The following AGPAT4 variants were observed in gnomAD, a reference collection of about 807,000 sequenced individuals.
The protein encoded by AGPAT4 is 1-acylglycerol-3-phosphate O-acyltransferase 4, also known as 1-acyl-sn-glycerol-3-phosphate acyltransferase delta.
A neutral mutation model predicts 48.0 loss-of-function variants in AGPAT4; 15 were observed. The observed-to-expected ratio is 0.31, with a 90% CI of 0.21 to 0.48. The LOEUF (loss-of-function observed/expected upper bound fraction) is 0.48, where lower values mean the gene tolerates loss of function less well. AGPAT4 is among the 20% of genes least tolerant of loss of function. The probability of loss-of-function intolerance (pLI) is 0.99; values close to 1 mark genes in which losing one functional copy is unlikely to be tolerated. For missense variants in AGPAT4, 314 were observed against 482.5 expected (o/e 0.65, Z 3.27); for synonymous variants, 178 against 198.7 (o/e 0.90, Z 0.88).
At chr6:161,199,452 C>A (rs2115008539) in intron 2 of AGPAT4, among the ~76,000 whole-genome samples, 1 of 152,304 alleles carries the variant, frequency 6.6e-6, no homozygotes, top group South Asian at 2.1e-4. Flanking sequence ...GTCATACACA[C>A]ACACACATTG....
In AGPAT4 at chr6:161,144,315, G is replaced by A; in HGVS notation, c.843+2209C>T. 4.6e-6 allele frequency: 2 copies of A among 435,114 alleles called. No individual in the cohort carries two copies. The highest frequency in any genetic ancestry group is 1.7e-5 in the South Asian group (1 of 59,786). The allele number at this position is 435,114 out of a possible 1,614,324, so 27.0% of individuals were successfully genotyped here. A position where few individuals can be genotyped will look rare whatever the true frequency, so the allele number is the denominator to read the frequency against. ...GGACTCCAGCACCTGGCTTTGATCA[G>A]TGAGCTGGAAAACTGGGTAAATCAC... On this transcript the variant is annotated intron_variant, in intron 7 of 8. Transcript: ENST00000320285. This position sits in a 1 kb window ranked among gnomAD's most constrained non-coding sequence, Gnocchi z 6.6.
chr6:161,263,302 C>T (rs1415259395), intron 1 of AGPAT4, among the ~76,000 whole-genome samples: 2 of 152,130 alleles, frequency 1.3e-5, no homozygotes, highest in African/African-American at 4.8e-5. Flanking sequence ...CCAGCCTGGC[C>T]AACATGGTGA....
intron 2 of AGPAT4, among the ~76,000 whole-genome samples, chr6:161,176,522 G>A (rs890380476): frequency 2.6e-5 from 4 of 152,038 alleles, no homozygotes; most frequent in African/African-American, 9.7e-5. Context: ...TTTATTTTGA[G>A]CCTATGTGTG....
rs983519224 is a variant in AGPAT4 at position 161,221,105 on chromosome 6, T to C, written c.178+10931A>G. Among the ~76,000 whole-genome samples the C allele has an allele frequency of 1.4e-4, 22 of 152,096 alleles. No homozygotes were observed. Among genetic ancestry groups the C allele is most frequent in the African/African-American group, 5.1e-4 (21 of 41,414 alleles). On this transcript the variant is annotated intron_variant, in intron 2 of 8. Coordinates refer to ENST00000320285, the MANE Select transcript of AGPAT4 (RefSeq NM_020133.3). This position sits in a 1 kb window ranked among gnomAD's most constrained non-coding sequence, Gnocchi z 4.5. ...GCCCCAGACAGCATATTTAAACAGATGACACAAACGCTGGATGAACATGGT... is the reference window on the plus strand; with the variant it reads ...GCCCCAGACAGCATATTTAAACAGACGACACAAACGCTGGATGAACATGGT...
Position 161,139,751 on chromosome 6 carries a change from A to G in AGPAT4, c.844-131T>C. The G allele has an allele frequency of 1.4e-6, 1 of 727,788 alleles. No individual in the cohort carries two copies. Among genetic ancestry groups the G allele is most frequent in the Non-Finnish European group, 2.2e-6 (1 of 449,868 alleles). 45.1% of individuals were successfully genotyped at this position (727,788 alleles called of 1,614,324 possible). A position where few individuals can be genotyped will look rare whatever the true frequency, so the allele number is the denominator to read the frequency against. On this transcript the variant is annotated intron_variant, in intron 7 of 8. Transcript: ENST00000320285. The surrounding 1 kb of genome is among the most constrained non-coding windows in gnomAD (Gnocchi z 9.1). ...GGGGCTCGGCAGAACTGGGGTCTGC[A>G]GCTCCTTCCAGAAAGCACTTTGTAG...
Position 161,259,872 on chromosome 6 carries a change from G to A in AGPAT4, c.-90+14066C>T, listed in dbSNP as rs999295972. Reference sequence around the variant, plus strand: ...GCTCCATGGTATCTATGTGCACGCTGCACCCCCAGGGCCGAGTCGTAAGTT... The same window carrying A: ...GCTCCATGGTATCTATGTGCACGCTACACCCCCAGGGCCGAGTCGTAAGTT... On this transcript the variant is annotated intron_variant, in intron 1 of 8. Coordinates refer to ENST00000320285, the MANE Select transcript of AGPAT4 (RefSeq NM_020133.3). This position sits in a 1 kb window ranked among gnomAD's most constrained non-coding sequence, Gnocchi z 4.9. Among the ~76,000 whole-genome samples, 1 of 152,146 alleles carries A rather than the reference G, an allele frequency of 6.6e-6. No individual in the cohort carries two copies. Among genetic ancestry groups the A allele is most frequent in the Non-Finnish European group, 1.5e-5 (1 of 68,024 alleles).
In AGPAT4 at chr6:161,272,705, A is replaced by AAC. The variant is rs3043142; in HGVS notation, c.-90+1231_-90+1232dup. Among the ~76,000 whole-genome samples, 35,672 of 147,088 alleles carry AAC rather than the reference A, an allele frequency of 0.24. 5,124 individuals carry two copies. The highest frequency in any genetic ancestry group is 0.41 in the African/African-American group (16,303 of 39,882). On this transcript the variant is annotated intron_variant, in intron 1 of 8. Transcript: ENST00000320285. This position sits in a 1 kb window ranked among gnomAD's most constrained non-coding sequence, Gnocchi z 4.2. ...TCCCTGCCCGCCTCCCATTTCCCTA[A>AAC]ACACACACACACACACACACACACA...
At position 161,203,387 on chromosome 6, in the gene AGPAT4, T is replaced by C. The variant is rs12207223; in HGVS notation, c.178+28649A>G. ...GAGAGTGTTCTTTTTCTTTCTTTTT[T>C]TTTTTTTTTTTTTTTTTTGAGACAG... On this transcript the variant is annotated intron_variant, in intron 2 of 8. Transcript: ENST00000320285. Among the ~76,000 whole-genome samples the C allele has an allele frequency of 1.9e-3, 130 of 68,948 alleles. 1 individual carries two copies. Among genetic ancestry groups the C allele is most frequent in the Non-Finnish European group, 2.3e-3 (81 of 35,598 alleles). The allele number at this position is 68,948 out of a possible 152,430, so 45.2% of individuals were successfully genotyped here.
rs1433703961 is a variant in AGPAT4, at chr6:161,148,393, G to A, written c.767+794C>T. On this transcript the variant is annotated intron_variant, in intron 6 of 8. Coordinates refer to ENST00000320285, the MANE Select transcript of AGPAT4 (RefSeq NM_020133.3). This position sits in a 1 kb window ranked among gnomAD's most constrained non-coding sequence, Gnocchi z 5.5. Reference sequence around the variant, plus strand: ...AAATATCTCCCAGGAAAGCCTGGACGTTTGGTGTGGCCTGGTGGGAATGTA... The same window carrying A: ...AAATATCTCCCAGGAAAGCCTGGACATTTGGTGTGGCCTGGTGGGAATGTA... 2.0e-5 allele frequency among the ~76,000 whole-genome samples: 3 copies of A among 152,210 alleles called. No homozygotes were observed. Among genetic ancestry groups the A allele is most frequent in the East Asian group, 1.9e-4 (1 of 5,200 alleles).
intron 2 of AGPAT4, among the ~76,000 whole-genome samples, chr6:161,172,815 C>T (rs59785590): frequency 0.051 from 7,773 of 151,350 alleles, 338 homozygotes; most frequent in East Asian, 0.23. Context: ...CACAACAGGC[C>T]CCAGTGTGTG....
chr6:161,161,130 TCA>T lies in AGPAT4; in HGVS notation c.348+5116_348+5117del. The T allele has an allele frequency of 2.2e-6, 1 of 456,638 alleles. No individual in the cohort carries two copies. The highest frequency in any genetic ancestry group is 4.4e-6 in the Non-Finnish European group (1 of 226,954). The allele number at this position is 456,638 out of a possible 1,614,324, so 28.3% of individuals were successfully genotyped here. ...CAGAGGAGGAGGAAGCCCCAAGCTTTCAACAACCCTGGCTTTATGAGCGGTGG... is the reference window on the plus strand; with the variant it reads ...CAGAGGAGGAGGAAGCCCCAAGCTTTACAACCCTGGCTTTATGAGCGGTGG... On this transcript the variant is annotated intron_variant, in intron 3 of 8. Transcript: ENST00000320285. The surrounding 1 kb of genome is among the most constrained non-coding windows in gnomAD (Gnocchi z 4.6).
rs1409336264 is a variant in AGPAT4 at position 161,232,255 on chromosome 6, A to C, written c.-42T>G. The C allele has an allele frequency of 1.9e-6, 3 of 1,568,166 alleles. No individual in the cohort carries two copies. The highest frequency in any genetic ancestry group is 2.7e-5 in the African/African-American group (2 of 73,610). On this transcript the variant is annotated 5_prime_UTR_variant, in exon 2 of 9. Coordinates refer to ENST00000320285, the MANE Select transcript of AGPAT4 (RefSeq NM_020133.3). This position sits in a 1 kb window ranked among gnomAD's most constrained non-coding sequence, Gnocchi z 6.8. The stretch of plus-strand genomic sequence containing the variant: ...TATTCAGAAATAAATAACTACCCAC[A>C]GTCAAAGATTTCCAGAAGGAAGAAA...
rs556178335 is a variant in AGPAT4, at chr6:161,138,346, T to G, written c.1042+1076A>C. On this transcript the variant is annotated intron_variant, in intron 8 of 8. Coordinates refer to ENST00000320285, the MANE Select transcript of AGPAT4 (RefSeq NM_020133.3). This position sits in a 1 kb window ranked among gnomAD's most constrained non-coding sequence, Gnocchi z 4.8. The stretch of plus-strand genomic sequence containing the variant: ...CAGCTTGTCTACTGCACCCATATGC[T>G]GCAGCATTGGTTGGCTCAGTCAGAA... Among the ~76,000 whole-genome samples the G allele has an allele frequency of 6.6e-6, 1 of 152,352 alleles. No individual in the cohort carries two copies. The highest frequency in any genetic ancestry group is 1.5e-5 in the Non-Finnish European group (1 of 68,026).
At chr6:161,172,226 CAGTGCGAGA>C (rs1373862375) in intron 2 of AGPAT4, among the ~76,000 whole-genome samples, 4 of 152,238 alleles carry the variant, frequency 2.6e-5, no homozygotes, top group African/African-American at 9.6e-5. Context: ...GAGGAACCCT[CAGTGCGAGA>C]AGTGCAAGGA....
chr6:161,148,276 T>TC lies in AGPAT4; in HGVS notation c.767+910dup, dbSNP rs1468179283. 2.6e-5 allele frequency among the ~76,000 whole-genome samples: 4 copies of TC among 152,068 alleles called. No homozygotes were observed. Among genetic ancestry groups the TC allele is most frequent in the African/African-American group, 9.7e-5 (4 of 41,408 alleles). On this transcript the variant is annotated intron_variant, in intron 6 of 8. Transcript: ENST00000320285. This position sits in a 1 kb window ranked among gnomAD's most constrained non-coding sequence, Gnocchi z 5.5. ...GTTGCCTGCACCATCAGACAAGAAG[T>TC]CAGTGATGATGACGATGCTGTCCTA... is the stretch of plus-strand genomic sequence containing the variant.
At chr6:161,265,328 C>T (rs375346661) in intron 1 of AGPAT4, among the ~76,000 whole-genome samples, 3 of 97,420 alleles carry the variant, frequency 3.1e-5, no homozygotes, top group African/African-American at 4.3e-5. Flanking sequence ...TAGTACCCAC[C>T]GCTGGACTGG....
intron 2 of AGPAT4, among the ~76,000 whole-genome samples, chr6:161,192,253 C>T (rs570795653): frequency 6.8e-6 from 1 of 146,936 alleles, no homozygotes; most frequent in Non-Finnish European, 1.5e-5. Context: ...CAGGTTTAAG[C>T]GATTCTCCTG....
At position 161,232,359 on chromosome 6, in the gene AGPAT4, G is replaced by GA; in HGVS notation, c.-89-58dup. 2 of 761,078 alleles carry GA rather than the reference G, an allele frequency of 2.6e-6. No individual in the cohort carries two copies. Among genetic ancestry groups the GA allele is most frequent in the Non-Finnish European group, 4.1e-6 (2 of 489,538 alleles). The allele number at this position is 761,078 out of a possible 1,614,324, so 47.1% of individuals were successfully genotyped here. ...AAAACACGATGTGCTTTTAGAGTCA[G>GA]AAAAAAAGTGCTCTGAAAAGAAAAA... On this transcript the variant is annotated intron_variant, in intron 1 of 8. Transcript: ENST00000320285. This position sits in a 1 kb window ranked among gnomAD's most constrained non-coding sequence, Gnocchi z 6.8.
In AGPAT4 at chr6:161,236,101, C is replaced by T. The variant is rs574276638; in HGVS notation, c.-89-3799G>A. 1.3e-5 allele frequency among the ~76,000 whole-genome samples: 2 copies of T among 152,264 alleles called. No homozygotes were observed. The highest frequency in any genetic ancestry group is 4.1e-4 in the South Asian group (2 of 4,820). ...TAGTTCCCTTTTAGCTTTGCAAGTA[C>T]CTAGAATGTGACGGAAAGAGTCTTT... On this transcript the variant is annotated intron_variant, in intron 1 of 8. Transcript: ENST00000320285. The surrounding 1 kb of genome is among the most constrained non-coding windows in gnomAD (Gnocchi z 5.0).
Sources: gnomAD v4.1 joint callset for allele counts (sites outside exome capture counted in the v4.1 genomes callset) on GRCh38, gnomAD v4.1.1 for gene constraint, Gnocchi (gnomAD v3.1) non-coding constraint, MANE v1.5 for transcripts, NCBI Gene and HGNC (gene_info 2026-07-23, HGNC 2026-07-21) for gene names.